Variants in FAM135A observed in about 807,000 individuals in gnomAD.
The protein encoded by FAM135A is protein FAM135A.
FAM135A carries 79 observed loss-of-function variants against 146.8 expected under a neutral mutation model. That is an observed-to-expected ratio of 0.54 (90% confidence interval 0.45 to 0.65). The LOEUF is 0.65. FAM135A is among the 30% of genes least tolerant of loss of function. FAM135A has a pLI of 0.00. For missense variants in FAM135A, 1,623 were observed against 1,758.2 expected, an observed-to-expected ratio of 0.92 and a Z score of 1.38; for synonymous variants, 562 against 603.6, an observed-to-expected ratio of 0.93 and a Z score of 1.01.
chr6:70,522,180 G>T (rs1793741934), intron 12 of FAM135A, among the ~76,000 whole-genome samples: 1 of 152,208 alleles, frequency 6.6e-6, no homozygotes, highest in Non-Finnish European at 1.5e-5. Context: ...GCCTCCCAGA[G>T]TTCTGGGATT....
intron 10 of FAM135A, among the ~76,000 whole-genome samples, chr6:70,482,914 A>G (rs553816201): frequency 6.9e-6 from 1 of 144,708 alleles, no homozygotes; most frequent in East Asian, 2.3e-4. Flanking sequence ...TAATTTCTTT[A>G]GAATATATTG....
At chr6:70,538,490 C>G (rs1797189270) in intron 20 of FAM135A, 89 bp downstream of exon 20, 2 of 688,032 alleles carry the variant, frequency 2.9e-6, no homozygotes, top group African/African-American at 3.7e-5. Flanking sequence ...ACATGTCTTT[C>G]TAGTGGTTAA....
intron 11 of FAM135A, among the ~76,000 whole-genome samples, chr6:70,496,885 A>T (rs1787402343): frequency 6.6e-6 from 1 of 151,620 alleles, no homozygotes; most frequent in Non-Finnish European, 1.5e-5. Flanking sequence ...TGGTACCAGT[A>T]CTATGCTGTT....
At chr6:70,549,696 T>C (rs1041054608) in intron 20 of FAM135A, among the ~76,000 whole-genome samples, 12 of 152,180 alleles carry the variant, frequency 7.9e-5, no homozygotes, top group African/African-American at 2.7e-4. Flanking sequence ...TTAATCATAA[T>C]GTTTTTGCCA....
At chr6:70,452,331 A>G (rs1777285090) in intron 4 of FAM135A, among the ~76,000 whole-genome samples, 161 bp from the exon 5 acceptor site, 1 of 152,022 alleles carries the variant, frequency 6.6e-6, no homozygotes, top group Non-Finnish European at 1.5e-5. Context: ...TATATTTGAT[A>G]TGTAAGCCTG....
intron 10 of FAM135A, among the ~76,000 whole-genome samples, chr6:70,486,536 C>G (rs1784690163): frequency 6.6e-6 from 1 of 151,952 alleles, no homozygotes; most frequent in Non-Finnish European, 1.5e-5. Context: ...TTTTCAAAAC[C>G]ATGATTATTA....
At chr6:70,460,098 G>C (rs1266963290) in intron 5 of FAM135A, among the ~76,000 whole-genome samples, 1 of 152,152 alleles carries the variant, frequency 6.6e-6, no homozygotes, top group Non-Finnish European at 1.5e-5. Flanking sequence ...TTTTCTAGAT[G>C]TAACAACTTT....
rs1291835659 is a variant in FAM135A, at chr6:70,526,750, TACACACACACACACATACACACACACAC to T, written c.3614+68_3614+95del. 2.8e-5 allele frequency: 24 copies of T among 851,294 alleles called. 2 individuals are homozygous for T. Among genetic ancestry groups the T allele is most frequent in the Middle Eastern group, 2.9e-4 (1 of 3,444 alleles). 52.7% of individuals were successfully genotyped at this position (851,294 alleles called of 1,614,324 possible). On this transcript the variant is annotated intron_variant, in intron 15 of 21. Transcript: ENST00000418814. ...GCTGCTAAATATATACATATATATA[TACACACACACACACATACACACACACAC>T]ACACACACACACACACACACACACA...
In FAM135A at chr6:70,422,259, A is replaced by T. The variant is rs546970452; in HGVS notation, c.-133-4180A>T. 9.2e-4 allele frequency among the ~76,000 whole-genome samples: 140 copies of T among 152,326 alleles called. 3 individuals are homozygous for T. The South Asian group carries it at 0.028, about 31-fold the overall frequency. On this transcript the variant is annotated intron_variant, in intron 2 of 21. Coordinates refer to ENST00000418814, the MANE Select transcript of FAM135A (RefSeq NM_001162529.3). ...AAGAACTGACTGGAGCTAAGTAGCC[A>T]TTGCTCCCTATAGCTGGAAAACAAG...
At chr6:70,546,704 CT>C (rs1442175500) in intron 20 of FAM135A, among the ~76,000 whole-genome samples, 3 of 152,036 alleles carry the variant, frequency 2.0e-5, no homozygotes, top group African/African-American at 7.2e-5. Context: ...AGAAATGTTA[CT>C]TTTAAAGGGA....
chr6:70,549,016 T>C (rs1799343030), intron 20 of FAM135A, among the ~76,000 whole-genome samples: 1 of 152,142 alleles, frequency 6.6e-6, no homozygotes, highest in South Asian at 2.1e-4. Flanking sequence ...AAAGATGCTA[T>C]ACAGTATTGA....
intron 11 of FAM135A, among the ~76,000 whole-genome samples, chr6:70,498,479 G>A (rs972139631): frequency 6.6e-6 from 1 of 152,002 alleles, no homozygotes; most frequent in Non-Finnish European, 1.5e-5. Flanking sequence ...ATCTCCTTCA[G>A]TTCTGGTCTG....
chr6:70,502,802 G>A lies in FAM135A; in HGVS notation c.1029+11G>A, dbSNP rs749494794. 45 of 1,600,298 alleles carry A rather than the reference G, an allele frequency of 2.8e-5. No individual in the cohort carries two copies. The South Asian group carries it at 4.7e-4, about 17-fold the overall frequency. ...CACCATACTTTGAGGGTAAGTTAAA[G>A]AGAAGTGATTTTAGAGCATTTTAAT... On this transcript the variant is annotated intron_variant, in intron 12 of 21. Coordinates refer to ENST00000418814, the MANE Select transcript of FAM135A (RefSeq NM_001162529.3).
intron 5 of FAM135A, among the ~76,000 whole-genome samples, chr6:70,463,836 G>T (rs1779878537): frequency 6.6e-6 from 1 of 152,164 alleles, no homozygotes; most frequent in African/African-American, 2.4e-5. Flanking sequence ...AAGTCATTTG[G>T]CAAGCCTCCA....
intron 4 of FAM135A, among the ~76,000 whole-genome samples, chr6:70,445,167 C>A (rs971683735): frequency 2.6e-5 from 4 of 152,138 alleles, no homozygotes; most frequent in Admixed American, 1.3e-4. Context: ...GCCTTTGGAC[C>A]AAATCTGGCT....
intron 12 of FAM135A, chr6:70,503,436 T>A (rs997896780): frequency 1.3e-4 from 19 of 151,756 alleles, no homozygotes; most frequent in African/African-American, 2.2e-4. Context: ...TTTCCTTTTT[T>A]AAAAAAATTT....
rs377000253 is a variant in FAM135A at position 70,538,277 on chromosome 6, A to G, written c.4118-14A>G. Reference sequence around the variant, plus strand: ...ATTTCATTTCATACTTCTATATCATATATGACTCTCTAGGTCTCTGGTTTA... The same window carrying G: ...ATTTCATTTCATACTTCTATATCATGTATGACTCTCTAGGTCTCTGGTTTA... On this transcript the variant is annotated splice_polypyrimidine_tract_variant and intron_variant, in intron 19 of 21. Coordinates refer to ENST00000418814, the MANE Select transcript of FAM135A (RefSeq NM_001162529.3). The G allele has an allele frequency of 3.6e-6, 5 of 1,404,662 alleles. No homozygotes were observed. Among genetic ancestry groups the G allele is most frequent in the Non-Finnish European group, 4.7e-6 (5 of 1,056,876 alleles). The allele number at this position is 1,404,662 out of a possible 1,614,324, so 87.0% of individuals were successfully genotyped here.
chr6:70,482,248 C>G, intron 10 of FAM135A, 94 bp downstream of exon 10: 8 of 1,240,684 alleles, frequency 6.4e-6, no homozygotes, highest in Non-Finnish European at 7.7e-6. Flanking sequence ...TTTTTCTATA[C>G]TAAAACTACA....
chr6:70,442,523 A>T (rs1774797588), intron 4 of FAM135A, among the ~76,000 whole-genome samples: 1 of 151,978 alleles, frequency 6.6e-6, no homozygotes, highest in African/African-American at 2.4e-5. Context: ...ATAGGTAACC[A>T]TTTTATTTTT....
Sources: gnomAD v4.1 joint callset for allele counts (sites outside exome capture counted in the v4.1 genomes callset) on GRCh38, gnomAD v4.1.1 for gene constraint, MANE v1.5 for transcripts, NCBI Gene and HGNC (gene_info 2026-07-23, HGNC 2026-07-21) for gene names.